The following ROPN1L variants were observed in gnomAD, a reference collection of about 807,000 sequenced individuals.
The protein encoded by ROPN1L is ropporin-1-like protein.
ROPN1L carries 23 observed loss-of-function variants against 22.7 expected under a neutral mutation model. The observed-to-expected ratio is 1.01, with a 90% CI of 0.73 to 1.43. The LOEUF (loss-of-function observed/expected upper bound fraction) is 1.43, where lower values mean the gene tolerates loss of function less well. Among genes scored for constraint, ROPN1L ranks in the 40% most tolerant of loss-of-function variants. The pLI is 0.00. For synonymous variants in ROPN1L, 116 were observed against 117.8 expected (o/e 0.98, Z 0.10); for missense variants, 271 against 291.5 (o/e 0.93, Z 0.51).
At chr5:10,452,168 AT>A (rs1171007511) in intron 3 of ROPN1L, among the ~76,000 whole-genome samples, 1 of 151,128 alleles carries the variant, frequency 6.6e-6, no homozygotes, top group Non-Finnish European at 1.5e-5. Context: ...TTTAGTAGAG[AT>A]GGGGTTTCAC....
chr5:10,460,199 G>A (rs895091399), intron 3 of ROPN1L, among the ~76,000 whole-genome samples: 1 of 152,232 alleles, frequency 6.6e-6, no homozygotes, highest in Non-Finnish European at 1.5e-5. Flanking sequence ...AAGGAGACCT[G>A]GGCTATGTGT....
downstream of ROPN1L, chr5:10,465,174 A>G (rs979070820): frequency 1.2e-5 from 4 of 320,902 alleles, no homozygotes; most frequent in East Asian, 5.0e-5. Flanking sequence ...TAAGAAAATA[A>G]TCTATTTGGA....
At chr5:10,470,307 G>C (rs1338552145) in intron 4 of ROPN1L, among the ~76,000 whole-genome samples, 2 of 152,100 alleles carry the variant, frequency 1.3e-5, no homozygotes, top group Non-Finnish European at 1.5e-5. Flanking sequence ...TATTGAAGGG[G>C]ATCCCCACCA....
At chr5:10,466,831 C>T (rs546493334), downstream of ROPN1L, among the ~76,000 whole-genome samples, 4 of 152,246 alleles carry the variant, frequency 2.6e-5, no homozygotes, top group East Asian at 7.7e-4. Flanking sequence ...AGAAACACTT[C>T]CTCACTGTTT....
intron 4 of ROPN1L, among the ~76,000 whole-genome samples, chr5:10,470,290 C>G (rs199688564): frequency 7.6e-5 from 1 of 13,164 alleles, no homozygotes; most frequent in African/African-American, 2.2e-4. Flanking sequence ...TTGTACAATC[C>G]CCTGGTTATT....
chr5:10,442,181 A>T lies in ROPN1L; in HGVS notation c.14A>T (p.Asp5Val). Residue 5 changes from aspartate to valine, a missense_variant, in exon 1 of 5, where the codon GAC (aspartate) becomes GTC (valine). Physicochemically the swap from Asp to Val is radical, Grantham distance 152. Coordinates refer to ENST00000274134, the MANE Select transcript of ROPN1L (RefSeq NM_031916.5). MPLP[D>V]TMFCAQQIHI... is the part of the protein sequence containing the mutation. ...CTGCGGAGAGCGATGCCGCTTCCCG[A>T]CACCATGTTCTGCGCTCAGCAGATC... is the stretch of plus-strand genomic sequence containing the variant. 1 of 1,613,544 alleles carries T rather than the reference A, an allele frequency of 6.2e-7. No individual in the cohort carries two copies. Among genetic ancestry groups the T allele is most frequent in the South Asian group, 1.1e-5 (1 of 91,070 alleles).
chr5:10,453,688 ACT>A (rs934640311), intron 3 of ROPN1L, among the ~76,000 whole-genome samples: 1 of 151,514 alleles, frequency 6.6e-6, no homozygotes, highest in African/African-American at 2.4e-5. Context: ...TGGCAGGTGT[ACT>A]CTCTGTGCTG....
intron 3 of ROPN1L, among the ~76,000 whole-genome samples, chr5:10,459,957 C>T (rs184757732): frequency 5.3e-5 from 8 of 152,278 alleles, no homozygotes; most frequent in African/African-American, 1.9e-4. Context: ...AGGGGGGTTA[C>T]GTTTAAGCAG....
intron 2 of ROPN1L, among the ~76,000 whole-genome samples, chr5:10,449,037 A>G (rs1579644500): frequency 6.6e-6 from 1 of 152,262 alleles, no homozygotes; most frequent in African/African-American, 2.4e-5. Flanking sequence ...TCCCCATTCT[A>G]CACTGTGAAG....
intron 4 of ROPN1L, among the ~76,000 whole-genome samples, chr5:10,470,235 A>G (rs1009189230): frequency 6.6e-6 from 1 of 152,210 alleles, no homozygotes; most frequent in Non-Finnish European, 1.5e-5. Context: ...CCGTCCTCCA[A>G]GGAAAATCCC....
rs760897603 is a variant in ROPN1L, at chr5:10,448,322, CGGCAACCCAGAAAACAGACACA to C, written c.198_219del (p.Thr67Ter). The C allele has an allele frequency of 2.5e-6, 4 of 1,614,076 alleles. No homozygotes were observed. In the African/African-American group the frequency reaches 5.3e-5, roughly 22 times the overall value. On this transcript the variant is annotated frameshift_variant, in exon 2 of 5. Coordinates refer to ENST00000274134, the MANE Select transcript of ROPN1L (RefSeq NM_031916.5). LOFTEE classifies it high-confidence loss of function. ...GTAAAGGACAGAATGGAAATGCCCA[CGGCAACCCAGAAAACAGACACA>C]GGCCTGACTCAAGGACTCCTGAAAG...
downstream of ROPN1L, among the ~76,000 whole-genome samples, chr5:10,468,238 C>A (rs776424065): frequency 2.6e-5 from 4 of 152,236 alleles, no homozygotes; most frequent in Non-Finnish European, 5.9e-5. Context: ...TTGTAATTAA[C>A]AAAACATAAA....
chr5:10,447,741 TGTG>T (rs1579643120), intron 1 of ROPN1L, among the ~76,000 whole-genome samples: 1 of 152,006 alleles, frequency 6.6e-6, no homozygotes, highest in African/African-American at 2.4e-5. Flanking sequence ...ATTAGCCAGG[TGTG>T]GTGGTGTGTG....
downstream of ROPN1L, among the ~76,000 whole-genome samples, chr5:10,474,042 C>T (rs1735286136): frequency 6.6e-6 from 1 of 152,016 alleles, no homozygotes; most frequent in African/African-American, 2.4e-5. Context: ...GTCCCAGCTA[C>T]TCAGGAGGCT....
chr5:10,452,493 C>T (rs1278198894), intron 3 of ROPN1L, among the ~76,000 whole-genome samples: 2 of 151,152 alleles, frequency 1.3e-5, no homozygotes, highest in African/African-American at 2.4e-5. Flanking sequence ...TGGACCTCCA[C>T]GCCTGGCTAA....
chr5:10,482,524 G>A, the ROPN1L span, among the ~76,000 whole-genome samples: 1 of 152,096 alleles, frequency 6.6e-6, no homozygotes, highest in Non-Finnish European at 1.5e-5. Flanking sequence ...GTGGCATGTG[G>A]GGCTCTGAAA....
downstream of ROPN1L, among the ~76,000 whole-genome samples, chr5:10,468,466 C>T (rs1402167033): frequency 6.6e-6 from 1 of 152,234 alleles, no homozygotes; most frequent in African/African-American, 2.4e-5. Context: ...AAGGCTGAAT[C>T]ATCTATGTTC....
At chr5:10,462,657 T>G (rs2648813) in intron 4 of ROPN1L, among the ~76,000 whole-genome samples, 30,155 of 151,744 alleles carry the variant, frequency 0.2, 4,223 homozygotes, top group East Asian at 0.66. Context: ...ACTTTGGGAG[T>G]CCGAGGCAGG....
intron 4 of ROPN1L, among the ~76,000 whole-genome samples, chr5:10,462,392 G>A (rs977306403): frequency 6.6e-6 from 1 of 152,192 alleles, no homozygotes. Flanking sequence ...AAGTGGAGCC[G>A]CAGATCAAAG....
Sources: gnomAD v4.1 joint callset for allele counts (sites outside exome capture counted in the v4.1 genomes callset) on GRCh38, gnomAD v4.1.1 for gene constraint, MANE v1.5 for transcripts, NCBI Gene and HGNC (gene_info 2026-07-23, HGNC 2026-07-21) for gene names.